The following YPEL2 variants were observed in gnomAD, a reference collection of about 807,000 sequenced individuals.
YPEL2 encodes protein yippee-like 2.
A neutral mutation model predicts 19.1 loss-of-function variants in YPEL2; 2 were observed. The observed-to-expected ratio is 0.10, with a 90% CI of 0.04 to 0.33. The LOEUF is 0.33. YPEL2 is among the 10% of genes least tolerant of loss of function. YPEL2 has a pLI of 1.00. For synonymous variants in YPEL2, 52 were observed against 50.0 expected, an observed-to-expected ratio of 1.04 and a Z score of -0.17; for missense variants, 66 against 140.7, an observed-to-expected ratio of 0.47 and a Z score of 2.68.
chr17:59,353,610 A>G lies in YPEL2; in HGVS notation c.117+84A>G. 2.9e-6 allele frequency: 3 copies of G among 1,040,872 alleles called. No homozygotes were observed. Among genetic ancestry groups the G allele is most frequent in the Non-Finnish European group, 4.5e-6 (3 of 662,190 alleles). The allele number at this position is 1,040,872 out of a possible 1,614,324, so 64.5% of individuals were successfully genotyped here. On this transcript the variant is annotated intron_variant, in intron 2 of 4. Transcript: ENST00000312655. This position sits in a 1 kb window ranked among gnomAD's most constrained non-coding sequence, Gnocchi z 4.8. ...AAGTTGCAGAGGTTTACAAGCTCTC[A>G]AGAATATTTGTACTCCATCTTTGTA...
chr17:59,332,139 G>C (rs2047673956), intron 1 of YPEL2, among the ~76,000 whole-genome samples: 1 of 152,128 alleles, frequency 6.6e-6, no homozygotes, highest in Non-Finnish European at 1.5e-5. Context: ...TGCGGGGCCA[G>C]GTTTGGGGCG....
intron 1 of YPEL2, among the ~76,000 whole-genome samples, chr17:59,337,021 A>AT (rs1476359528): frequency 6.6e-6 from 1 of 151,926 alleles, no homozygotes; most frequent in Non-Finnish European, 1.5e-5. Flanking sequence ...CTCCGTTGTT[A>AT]TTTTTACCGA....
Position 59,358,907 on chromosome 17 carries a change from C to CTT in YPEL2, c.117+5391_117+5392dup, listed in dbSNP as rs374051177. ...ACAGGCGTGAGCCACTGCACCTGGC[C>CTT]TTTTTTTTTTTCCTTTTTCTTTTTT... On this transcript the variant is annotated intron_variant, in intron 2 of 4. Transcript: ENST00000312655. Among the ~76,000 whole-genome samples the CTT allele has an allele frequency of 2.3e-4, 32 of 137,970 alleles. No homozygotes were observed. The East Asian group carries it at 3.6e-3, about 16-fold the overall frequency. The allele number at this position is 137,970 out of a possible 152,430, so 90.5% of individuals were successfully genotyped here.
At chr17:59,392,604 G>T (rs2048013376) in intron 4 of YPEL2, among the ~76,000 whole-genome samples, 1 of 146,520 alleles carries the variant, frequency 6.8e-6, no homozygotes. Flanking sequence ...TCCACCTCCT[G>T]GGTTCAAGCA....
At chr17:59,384,790 A>G (rs1225500301) in intron 2 of YPEL2, among the ~76,000 whole-genome samples, 1 of 152,146 alleles carries the variant, frequency 6.6e-6, no homozygotes, top group South Asian at 2.1e-4. Context: ...GTCTCCCTGT[A>G]TTTCTAATTG....
intron 2 of YPEL2, among the ~76,000 whole-genome samples, chr17:59,377,441 A>T (rs2047927869): frequency 6.6e-6 from 1 of 151,870 alleles, no homozygotes. Context: ...CAGAAGCTAG[A>T]CTCCCTGAAC....
At chr17:59,339,943 T>G (rs1347164451) in intron 1 of YPEL2, among the ~76,000 whole-genome samples, 2 of 152,020 alleles carry the variant, frequency 1.3e-5, no homozygotes, top group African/African-American at 4.8e-5. Context: ...ACTTCCTACC[T>G]TCCTCCAACC....
chr17:59,396,460 AAG>A (rs2048039775), intron 4 of YPEL2, among the ~76,000 whole-genome samples: 1 of 152,226 alleles, frequency 6.6e-6, no homozygotes, highest in South Asian at 2.1e-4. Flanking sequence ...AGAAGGGAGA[AAG>A]GGAGTACTGG....
At position 59,399,159 on chromosome 17, in the gene YPEL2, C is replaced by G. The variant is rs1049347738; in HGVS notation, c.*1969C>G. ...GAATAGTTTCTCTGGCTCACAGGCCCAAGTTCTCAATGAAATCGTTTTTTA... is the reference window on the plus strand; with the variant it reads ...GAATAGTTTCTCTGGCTCACAGGCCGAAGTTCTCAATGAAATCGTTTTTTA... On this transcript the variant is annotated 3_prime_UTR_variant, in exon 5 of 5. Transcript: ENST00000312655. The G allele has an allele frequency of 3.3e-5, 5 of 152,582 alleles. No homozygotes were observed. The highest frequency in any genetic ancestry group is 9.7e-5 in the African/African-American group (4 of 41,432). 9.5% of individuals were successfully genotyped at this position (152,582 alleles called of 1,614,324 possible).
At chr17:59,382,385 G>T (rs201727561) in intron 2 of YPEL2, among the ~76,000 whole-genome samples, 1 of 35,752 alleles carries the variant, frequency 2.8e-5, no homozygotes, top group East Asian at 1.8e-3. Context: ...CCTCCACCCC[G>T]CCTCTCTCTA....
intron 2 of YPEL2, among the ~76,000 whole-genome samples, chr17:59,370,298 C>T (rs1161435228): frequency 1.3e-5 from 2 of 152,096 alleles, no homozygotes; most frequent in African/African-American, 4.8e-5. Flanking sequence ...CTCCTGACCT[C>T]GTGATCCGCC....
At chr17:59,348,397 C>T (rs576919837) in intron 1 of YPEL2, among the ~76,000 whole-genome samples, 54 of 152,334 alleles carry the variant, frequency 3.5e-4, no homozygotes, top group African/African-American at 1.2e-3. Flanking sequence ...TCCCATCTCC[C>T]GCCCCTCCAT....
chr17:59,379,568 G>A (rs1246642026), intron 2 of YPEL2, among the ~76,000 whole-genome samples: 3 of 152,178 alleles, frequency 2.0e-5, no homozygotes, highest in Admixed American at 6.5e-5. Flanking sequence ...CATAGAGACC[G>A]ACAGTAGATT....
At chr17:59,349,313 C>T (rs1235125359) in intron 1 of YPEL2, among the ~76,000 whole-genome samples, 1 of 151,090 alleles carries the variant, frequency 6.6e-6, no homozygotes, top group Admixed American at 6.6e-5. Flanking sequence ...TTGTTCCTCT[C>T]ATGCAGCCTG....
At chr17:59,362,909 A>C (rs1317241001) in intron 2 of YPEL2, 1 of 152,174 alleles carries the variant, frequency 6.6e-6, no homozygotes, top group Non-Finnish European at 1.5e-5. Context: ...CTACTTGTTC[A>C]GTTCAATATT....
At chr17:59,377,774 C>T (rs116334152) in intron 2 of YPEL2, among the ~76,000 whole-genome samples, 174 of 152,206 alleles carry the variant, frequency 1.1e-3, no homozygotes, top group African/African-American at 3.9e-3. Context: ...GGGTCTAAGC[C>T]GTAGGGGGAT....
At chr17:59,335,513 T>G (rs1181994346) in intron 1 of YPEL2, among the ~76,000 whole-genome samples, 1 of 152,070 alleles carries the variant, frequency 6.6e-6, no homozygotes, top group Non-Finnish European at 1.5e-5. Context: ...GTCATAGGGC[T>G]TTTCTACTGG....
At chr17:59,352,769 A>T (rs890244014) in intron 1 of YPEL2, among the ~76,000 whole-genome samples, 5 of 152,126 alleles carry the variant, frequency 3.3e-5, no homozygotes, top group Non-Finnish European at 7.4e-5. Flanking sequence ...GACATCTGGA[A>T]ATAGATGAGA....
At chr17:59,352,491 A>AAATT (rs1328287087) in intron 1 of YPEL2, among the ~76,000 whole-genome samples, 9 of 152,182 alleles carry the variant, frequency 5.9e-5, no homozygotes, top group African/African-American at 2.2e-4. Flanking sequence ...AATTCTGGTA[A>AAATT]AATTCACTGT....
Sources: gnomAD v4.1 joint callset for allele counts (sites outside exome capture counted in the v4.1 genomes callset) on GRCh38, gnomAD v4.1.1 for gene constraint, Gnocchi (gnomAD v3.1) non-coding constraint, MANE v1.5 for transcripts, NCBI Gene and HGNC (gene_info 2026-07-23, HGNC 2026-07-21) for gene names.